PLD5: variants seen among roughly 807,000 people sequenced by gnomAD.
The protein encoded by PLD5 is inactive phospholipase D5.
A neutral mutation model predicts 61.1 loss-of-function variants in PLD5; 36 were observed. The observed-to-expected ratio is 0.59, with a 90% CI of 0.45 to 0.78. PLD5 has a LOEUF of 0.78. Ranked by LOEUF, PLD5 falls within the 30% of genes least tolerant of loss-of-function variation. The probability of loss-of-function intolerance (pLI) is 0.00; values close to 1 mark genes in which losing one functional copy is unlikely to be tolerated. For synonymous variants in PLD5, 243 were observed against 242.8 expected, an observed-to-expected ratio of 1.00 and a Z score of -0.01; for missense variants, 515 against 644.4, an observed-to-expected ratio of 0.80 and a Z score of 2.17.
chr1:242,307,607 A>G (rs2149169316), intron 2 of PLD5, among the ~76,000 whole-genome samples: 1 of 152,148 alleles, frequency 6.6e-6, no homozygotes, highest in African/African-American at 2.4e-5. Flanking sequence ...GTGCTCAAAC[A>G]TCCCCCCTTG....
intron 1 of PLD5, among the ~76,000 whole-genome samples, chr1:242,416,974 C>T (rs1020245937): frequency 6.6e-6 from 1 of 152,166 alleles, no homozygotes; most frequent in Non-Finnish European, 1.5e-5. Context: ...AATATTTCTG[C>T]ACCCTTCTTG....
chr1:242,487,232 G>GA (rs1288211355), intron 1 of PLD5, among the ~76,000 whole-genome samples: 1 of 150,872 alleles, frequency 6.6e-6, no homozygotes, highest in Non-Finnish European at 1.5e-5. Context: ...AGTGACCAAA[G>GA]AAAAAAAAGA....
intron 6 of PLD5, among the ~76,000 whole-genome samples, chr1:242,122,958 A>G (rs1662501601): frequency 1.3e-5 from 2 of 152,228 alleles, no homozygotes; most frequent in Non-Finnish European, 2.9e-5. Context: ...GCAATATTAA[A>G]TTGGGAGCAT....
chr1:242,353,202 T>C (rs1660571445), intron 1 of PLD5, among the ~76,000 whole-genome samples: 1 of 152,192 alleles, frequency 6.6e-6, no homozygotes, highest in South Asian at 2.1e-4. Flanking sequence ...GATTTTTGTA[T>C]ACAGTGTGTA....
chr1:242,128,979 G>T (rs1037104739), intron 5 of PLD5, among the ~76,000 whole-genome samples: 1 of 152,152 alleles, frequency 6.6e-6, no homozygotes, highest in Non-Finnish European at 1.5e-5. Flanking sequence ...CTTCTGTAAC[G>T]GCACCATCAT....
intron 5 of PLD5, among the ~76,000 whole-genome samples, chr1:242,158,991 C>T (rs943400381): frequency 2.0e-5 from 3 of 152,100 alleles, no homozygotes; most frequent in Non-Finnish European, 2.9e-5. Flanking sequence ...ATGTTATCCA[C>T]CTCTGCTATT....
intron 6 of PLD5, among the ~76,000 whole-genome samples, chr1:242,123,184 C>A (rs1465795810): frequency 6.6e-6 from 1 of 152,088 alleles, no homozygotes; most frequent in African/African-American, 2.4e-5. Context: ...TGACTTTAAG[C>A]AAACTGATGT....
intron 1 of PLD5, among the ~76,000 whole-genome samples, chr1:242,370,512 G>A (rs77958974): frequency 0.11 from 16,315 of 152,048 alleles, 1,211 homozygotes; most frequent in Non-Finnish European, 0.16. Flanking sequence ...GGCCAGGGGA[G>A]GGGGCATTAA....
At chr1:242,093,610 C>T (rs896384231) in intron 9 of PLD5, among the ~76,000 whole-genome samples, 2 of 152,044 alleles carry the variant, frequency 1.3e-5, no homozygotes, top group Non-Finnish European at 2.9e-5. Context: ...AGGTCTGACC[C>T]CGGGGTCCAC....
intron 2 of PLD5, among the ~76,000 whole-genome samples, chr1:242,334,429 A>C (rs1171069837): frequency 3.3e-5 from 5 of 152,210 alleles, no homozygotes; most frequent in Admixed American, 1.3e-4. Flanking sequence ...AAAGAAAAAC[A>C]CTGAGACAGA....
chr1:242,223,816 TTTTATC>T (rs1670758589), intron 4 of PLD5, among the ~76,000 whole-genome samples: 2 of 151,536 alleles, frequency 1.3e-5, no homozygotes, highest in South Asian at 4.2e-4. Context: ...AGACATATGC[TTTTATC>T]TTTATTAATA....
intron 1 of PLD5, among the ~76,000 whole-genome samples, chr1:242,404,998 G>A (rs1664153325): frequency 6.7e-6 from 1 of 148,900 alleles, no homozygotes; most frequent in Admixed American, 6.9e-5. Context: ...TCCTGCCTCA[G>A]CCTCCTGAGT....
chr1:242,128,398 C>G (rs564249421), intron 5 of PLD5, among the ~76,000 whole-genome samples: 1 of 150,634 alleles, frequency 6.6e-6, no homozygotes, highest in South Asian at 2.1e-4. Flanking sequence ...GGATGTTTGC[C>G]CTCTCTACTG....
At chr1:242,100,896 TGA>T in intron 8 of PLD5, 114 bp from the exon 9 acceptor site, 1 of 682,456 alleles carries the variant, frequency 1.5e-6, no homozygotes, top group Admixed American at 2.7e-5. Flanking sequence ...AGTTGGGTTA[TGA>T]AAGCCATAAT....
At chr1:242,309,813 A>C (rs1676591639) in intron 2 of PLD5, among the ~76,000 whole-genome samples, 1 of 150,388 alleles carries the variant, frequency 6.6e-6, no homozygotes, top group African/African-American at 2.4e-5. Context: ...ATAATTGCTC[A>C]ATATAGATAT....
intron 1 of PLD5, chr1:242,449,214 T>G: frequency 2.9e-6 from 3 of 1,040,996 alleles, no homozygotes; most frequent in Non-Finnish European, 4.2e-6. Flanking sequence ...TTCCTGCCCT[T>G]CTCATAAAAA....
chr1:242,467,663 T>C (rs941567884), intron 1 of PLD5, among the ~76,000 whole-genome samples: 2 of 152,208 alleles, frequency 1.3e-5, no homozygotes, highest in African/African-American at 4.8e-5. Context: ...TGTGCAATGA[T>C]GGGAAAATCC....
chr1:242,449,778 A>G (rs1377285100), intron 1 of PLD5, among the ~76,000 whole-genome samples: 1 of 152,158 alleles, frequency 6.6e-6, no homozygotes, highest in Non-Finnish European at 1.5e-5. Context: ...GTGTCCACAC[A>G]CCTCCAACCT....
chr1:242,466,819 G>A (rs1667291015), intron 1 of PLD5, among the ~76,000 whole-genome samples: 1 of 151,864 alleles, frequency 6.6e-6, no homozygotes, highest in African/African-American at 2.4e-5. Context: ...CTTGAACCCA[G>A]GAGGCGGAAG....
Sources: allele counts gnomAD v4.1 joint callset (sites outside exome capture counted in the v4.1 genomes callset), GRCh38; gene constraint gnomAD v4.1.1; transcripts MANE v1.5; gene names NCBI Gene and HGNC (gene_info 2026-07-23, HGNC 2026-07-21).